Variants in RUFY2 observed in about 807,000 individuals in gnomAD.
RUFY2 encodes the protein RUN and FYVE domain containing 2.
In RUFY2, 49 loss-of-function variants were observed where a neutral mutation model predicts 94.4. The ratio of observed to expected loss-of-function variants is 0.52; its 90% CI spans 0.41 to 0.66. The LOEUF is 0.66. Ranked by LOEUF, RUFY2 falls within the 30% of genes least tolerant of loss-of-function variation. The pLI, the probability that RUFY2 is intolerant of heterozygous loss-of-function variation, is 0.00. For missense variants in RUFY2, 541 were observed against 692.8 expected (o/e 0.78, Z 2.46); for synonymous variants, 255 against 235.7 (o/e 1.08, Z -0.75).
chr10:68,407,164 G>A (rs2051394607), intron 1 of RUFY2, 22 bp downstream of exon 1: 11 of 1,468,466 alleles, frequency 7.5e-6, no homozygotes, highest in Non-Finnish European at 9.8e-6. Flanking sequence ...CCTAGCGTTC[G>A]GTTTCGGCCC....
At chr10:68,396,685 T>C in intron 4 of RUFY2, 95 bp downstream of exon 4, 5 of 732,102 alleles carry the variant, frequency 6.8e-6, no homozygotes, top group Non-Finnish European at 1.1e-5. Flanking sequence ...TTATTATATG[T>C]TATATATCCT....
chr10:68,399,843 G>A (rs948995388), intron 3 of RUFY2, among the ~76,000 whole-genome samples: 28 of 152,176 alleles, frequency 1.8e-4, no homozygotes, highest in African/African-American at 6.7e-4. Flanking sequence ...GTGCAATGGC[G>A]TGATCTCAGC....
chr10:68,345,773 G>A lies in RUFY2; in HGVS notation c.1816C>T (p.Pro606Ser). 6.2e-7 allele frequency: 1 copy of A among 1,611,460 alleles called. No individual in the cohort carries two copies. Among genetic ancestry groups the A allele is most frequent in the South Asian group, 1.1e-5 (1 of 90,508 alleles). ...LLIQRCSSNL[P>S] ...AAGGATTTAGTTCTGGAGTCTCAGGGCAAGTTAGATGAGCATCTCTGAATG... is the reference window on the plus strand; with the variant it reads ...AAGGATTTAGTTCTGGAGTCTCAGGACAAGTTAGATGAGCATCTCTGAATG... The change falls in exon 18 of 18, where the codon CCC becomes TCC. Residue 606 changes from proline to serine, a missense_variant. Transcript: ENST00000602465.
chr10:68,402,049 T>C (rs938011147), intron 2 of RUFY2, among the ~76,000 whole-genome samples: 9 of 152,156 alleles, frequency 5.9e-5, no homozygotes, highest in African/African-American at 1.7e-4. Flanking sequence ...CTGGTGGCCC[T>C]AGCTGATTGA....
chr10:68,357,754 C>T (rs1352664616), intron 15 of RUFY2, among the ~76,000 whole-genome samples: 1 of 151,976 alleles, frequency 6.6e-6, no homozygotes, highest in Admixed American at 6.6e-5. Context: ...GGCTTGTTAC[C>T]GAGTATCTGC....
intron 13 of RUFY2, among the ~76,000 whole-genome samples, chr10:68,366,796 TAA>T (rs2047868804): frequency 3.0e-4 from 5 of 16,728 alleles, no homozygotes; most frequent in Admixed American, 2.5e-3. Context: ...TAATAATATA[TAA>T]TATATATAAT....
intron 14 of RUFY2, 79 bp from the exon 15 acceptor site, chr10:68,363,763 T>C (rs1324634298): frequency 2.9e-5 from 28 of 964,882 alleles, no homozygotes; most frequent in Non-Finnish European, 4.1e-5. Flanking sequence ...TACCATTAAT[T>C]AGAAACAAAC....
intron 15 of RUFY2, among the ~76,000 whole-genome samples, chr10:68,360,210 G>A (rs1589810194): frequency 6.6e-6 from 1 of 151,668 alleles, no homozygotes; most frequent in East Asian, 2.0e-4. Flanking sequence ...TGAGGAGGTG[G>A]GAGCATCATT....
intron 12 of RUFY2, chr10:68,379,028 C>T (rs891406459): frequency 4.0e-5 from 11 of 273,796 alleles, no homozygotes; most frequent in Non-Finnish European, 7.4e-5. Context: ...ATTCGGAATG[C>T]TTGATTTCAG....
Position 68,379,417 on chromosome 10 carries a change from G to A in RUFY2, c.1205+7C>T. On this transcript the variant is annotated splice_region_variant and intron_variant, in intron 12 of 17. Coordinates refer to ENST00000602465, the MANE Select transcript of RUFY2 (RefSeq NM_001330103.2). ...AAAAAAAGAAACTAAGACTGGAAAT[G>A]CTGTACCTTTGTTCCAGCTGCCTCA... 6.3e-7 allele frequency: 1 copy of A among 1,587,584 alleles called. No homozygotes were observed. Among genetic ancestry groups the A allele is most frequent in the Non-Finnish European group, 8.6e-7 (1 of 1,165,914 alleles).
chr10:68,379,216 T>C (rs2048861867), intron 12 of RUFY2: 3 of 429,776 alleles, frequency 7.0e-6, no homozygotes, highest in South Asian at 4.8e-5. Flanking sequence ...AAATCTACAA[T>C]ATGACAACTT....
intron 3 of RUFY2, among the ~76,000 whole-genome samples, chr10:68,399,335 A>G (rs1275924300): frequency 6.6e-6 from 1 of 152,080 alleles, no homozygotes; most frequent in Non-Finnish European, 1.5e-5. Flanking sequence ...GTGAGCCACC[A>G]CACCCAGCCA....
rs770439248 is a variant in RUFY2, at chr10:68,404,579, C to T, written c.178+92G>A. The T allele has an allele frequency of 8.0e-4, 665 of 829,544 alleles. 1 individual carries two copies. The highest frequency in any genetic ancestry group is 1.1e-3 in the Non-Finnish European group (616 of 583,698). The allele number at this position is 829,544 out of a possible 1,614,324, so 51.4% of individuals were successfully genotyped here. A position where few individuals can be genotyped will look rare whatever the true frequency, so the allele number is the denominator to read the frequency against. On this transcript the variant is annotated intron_variant, in intron 2 of 17. Coordinates refer to ENST00000602465, the MANE Select transcript of RUFY2 (RefSeq NM_001330103.2). ...CTCAATATTTTTTAGTGCACAGTAACGTAATTATGGCCTCAAAAAATAACC... is the reference window on the plus strand; with the variant it reads ...CTCAATATTTTTTAGTGCACAGTAATGTAATTATGGCCTCAAAAAATAACC...
intron 3 of RUFY2, among the ~76,000 whole-genome samples, chr10:68,399,662 A>G (rs2050663778): frequency 6.6e-6 from 1 of 152,270 alleles, no homozygotes. Flanking sequence ...CCTAAGTTGT[A>G]AAACTATGAG....
chr10:68,374,114 CAAAAAAA>C (rs34041522), intron 13 of RUFY2, among the ~76,000 whole-genome samples: 1,735 of 59,404 alleles, frequency 0.029, 15 homozygotes, highest in Middle Eastern at 0.078. Context: ...GATCCTGTCC[CAAAAAAA>C]AAAAAAAAAA....
At chr10:68,392,859 C>T (rs1207020060) in intron 7 of RUFY2, among the ~76,000 whole-genome samples, 5 of 145,022 alleles carry the variant, frequency 3.4e-5, no homozygotes, top group African/African-American at 1.3e-4. Context: ...ACCTGGGAGG[C>T]GGAGGTTGCA....
At chr10:68,384,178 A>G (rs1564828795) in intron 8 of RUFY2, 26 bp from the exon 9 acceptor site, 1 of 1,590,790 alleles carries the variant, frequency 6.3e-7, no homozygotes, top group Non-Finnish European at 8.5e-7. Flanking sequence ...CGGGCAAGAA[A>G]AAAGATTTTA....
intron 15 of RUFY2, among the ~76,000 whole-genome samples, chr10:68,360,897 CAAAT>C (rs56749024): frequency 0.92 from 136,740 of 148,686 alleles, 62,961 homozygotes; most frequent in East Asian, 0.99. Context: ...GACCCCGTCT[CAAAT>C]AAATAAATAA....
At chr10:68,347,673 T>A (rs1406898960) in intron 16 of RUFY2, among the ~76,000 whole-genome samples, 1 of 152,124 alleles carries the variant, frequency 6.6e-6, no homozygotes, top group African/African-American at 2.4e-5. Flanking sequence ...TAGATGATTA[T>A]CAGTTTCACA....
Sources: allele counts gnomAD v4.1 joint callset (sites outside exome capture counted in the v4.1 genomes callset), GRCh38; gene constraint gnomAD v4.1.1; transcripts MANE v1.5; gene names NCBI Gene and HGNC (gene_info 2026-07-23, HGNC 2026-07-21).